The following NAB2 variants were observed in gnomAD, a reference collection of about 807,000 sequenced individuals.
NAB2 encodes the protein NGFI-A binding protein 2, also known as NGFI-A-binding protein 2.
A neutral mutation model predicts 44.2 loss-of-function variants in NAB2; 9 were observed. The ratio of observed to expected loss-of-function variants is 0.20; its 90% confidence interval spans 0.12 to 0.36. NAB2 has a LOEUF of 0.36. Ranked by LOEUF, NAB2 falls within the 10% of genes least tolerant of loss-of-function variation. The probability of loss-of-function intolerance (pLI) is 1.00; values close to 1 mark genes in which losing one functional copy is unlikely to be tolerated. For missense variants in NAB2, 514 were observed against 709.0 expected (o/e 0.73, Z 3.12); for synonymous variants, 342 against 291.0 (o/e 1.18, Z -1.78).
intron 6 of NAB2, 72 bp from the exon 7 acceptor site, chr12:57,094,540 C>A: frequency 8.0e-7 from 1 of 1,251,324 alleles, no homozygotes; most frequent in Non-Finnish European, 1.1e-6. Flanking sequence ...TTTGCCCCTG[C>A]TTCTGTTCCC....
At chr12:57,094,548 C>A in intron 6 of NAB2, 64 bp from the exon 7 acceptor site, 3 of 1,357,906 alleles carry the variant, frequency 2.2e-6, no homozygotes, top group Non-Finnish European at 2.1e-6. Flanking sequence ...TGCTTCTGTT[C>A]CCAACCACCT....
At chr12:57,089,386 G>C (rs748886229) in intron 1 of NAB2, 32 bp downstream of exon 1, 33 of 1,509,366 alleles carry the variant, frequency 2.2e-5, no homozygotes, top group Middle Eastern at 1.8e-4. Context: ...GCGGGGAGTG[G>C]AGATGGGTGG....
rs1203889324 is a variant in NAB2, at chr12:57,093,060, C to A, written c.1144-3C>A. The A allele has an allele frequency of 2.5e-6, 4 of 1,613,554 alleles. No individual in the cohort carries two copies. The highest frequency in any genetic ancestry group is 3.4e-6 in the Non-Finnish European group (4 of 1,179,714). ...TTCATTTCCCCATGTTGGGCATCCA[C>A]AGGTTGGAGAACAGAGTCACCCTGA... On this transcript the variant is annotated splice_polypyrimidine_tract_variant and splice_region_variant and intron_variant, in intron 4 of 6. Coordinates refer to ENST00000300131, the MANE Select transcript of NAB2 (RefSeq NM_005967.4).
At chr12:57,094,556 CCT>C in intron 6 of NAB2, 54 bp from the exon 7 acceptor site, 1 of 1,409,644 alleles carries the variant, frequency 7.1e-7, no homozygotes, top group Non-Finnish European at 9.8e-7. Flanking sequence ...TTCCCAACCA[CCT>C]CTGTCTGCAG....
chr12:57,091,887 T>C lies in NAB2; in HGVS notation c.846T>C (p.Phe282=), dbSNP rs184597009. 1 of 1,614,090 alleles carries C rather than the reference T, an allele frequency of 6.2e-7. No homozygotes were observed. The highest frequency in any genetic ancestry group is 1.3e-5 in the African/African-American group (1 of 74,994). ...TGGCACGGAGCGTTGGGCACATCTTTGAGATGGATGATAATGACAGCCAGA... is the reference window on the plus strand; with the variant it reads ...TGGCACGGAGCGTTGGGCACATCTTCGAGATGGATGATAATGACAGCCAGA... ...KKLARSVGHI[F]EMDDNDSQKE... The change falls in exon 2 of 7, where the codon TTT becomes TTC. Residue 282 remains phenylalanine (F), a synonymous_variant. Coordinates refer to ENST00000300131, the MANE Select transcript of NAB2 (RefSeq NM_005967.4). This position sits in a 1 kb window ranked among gnomAD's most constrained non-coding sequence, Gnocchi z 7.3.
chr12:57,091,589 G>A lies in NAB2; in HGVS notation c.548G>A (p.Arg183Gln), dbSNP rs747502132. 4 of 1,604,990 alleles carry A rather than the reference G, an allele frequency of 2.5e-6. No homozygotes were observed. Among genetic ancestry groups the A allele is most frequent in the East Asian group, 2.2e-5 (1 of 44,734 alleles). Residue 183 changes from arginine to glutamine, a missense_variant, in exon 2 of 7, where the codon CGG becomes CAG. Arg to Gln is a conservative substitution (Grantham distance 43). Coordinates refer to ENST00000300131, the MANE Select transcript of NAB2 (RefSeq NM_005967.4). This position sits in a 1 kb window ranked among gnomAD's most constrained non-coding sequence, Gnocchi z 7.3. ...GGGGGACCTGGGGCAGGGGACCCCC[G>A]GATCTGGCCAGGCCGGAGCACTCCA... The part of the protein sequence containing the change: ...LPGGPGAGDP[R>Q]IWPGRSTPES...
Position 57,089,158 on chromosome 12 carries a change from GAC to G in NAB2, c.-112_-111del. 9.0e-7 allele frequency: 1 copy of G among 1,106,352 alleles called. No homozygotes were observed. Among genetic ancestry groups the G allele is most frequent in the Non-Finnish European group, 1.3e-6 (1 of 761,754 alleles). The allele number at this position is 1,106,352 out of a possible 1,614,324, so 68.5% of individuals were successfully genotyped here. On this transcript the variant is annotated 5_prime_UTR_variant, in exon 1 of 7. Transcript: ENST00000300131. ...CGGAGAGAGAAGACGTGGAGGGAGGGACAGAGCCTGGACAGCGGTGGACACGG... is the reference window on the plus strand; with the variant it reads ...CGGAGAGAGAAGACGTGGAGGGAGGGAGAGCCTGGACAGCGGTGGACACGG...
Position 57,091,791 on chromosome 12 carries a change from G to C in NAB2, c.750G>C (p.Glu250Asp). 1 of 1,614,216 alleles carries C rather than the reference G, an allele frequency of 6.2e-7. No homozygotes were observed. Among genetic ancestry groups the C allele is most frequent in the South Asian group, 1.1e-5 (1 of 91,090 alleles). ...EMVRMVVESVERIFRSFPRGD... is the reference protein window; with the variant it reads ...EMVRMVVESVDRIFRSFPRGD... The stretch of plus-strand genomic sequence containing the variant: ...TACGCATGGTGGTGGAAAGTGTGGA[G>C]AGGATCTTCCGGAGCTTCCCAAGGG... Residue 250 changes from glutamate (E) to aspartate (D), a missense_variant, in exon 2 of 7, where the codon GAG becomes GAC. Coordinates refer to ENST00000300131, the MANE Select transcript of NAB2 (RefSeq NM_005967.4). The surrounding 1 kb of genome is among the most constrained non-coding windows in gnomAD (Gnocchi z 7.3).
In NAB2 at chr12:57,091,714, C is replaced by A. The variant is rs1343502972; in HGVS notation, c.673C>A (p.Leu225Met). 6.2e-7 allele frequency: 1 copy of A among 1,613,702 alleles called. No individual in the cohort carries two copies. Among genetic ancestry groups the A allele is most frequent in the Admixed American group, 1.7e-5 (1 of 60,024 alleles). Residue 225 changes from leucine (L) to methionine (M), a missense_variant, in exon 2 of 7, where the codon CTG becomes ATG. By Grantham distance (15) the Leu-to-Met change is conservative. Coordinates refer to ENST00000300131, the MANE Select transcript of NAB2 (RefSeq NM_005967.4). This position sits in a 1 kb window ranked among gnomAD's most constrained non-coding sequence, Gnocchi z 7.3. ...GVPEGTGAGG[L>M]AAGGTGGGPD... ...CCCTGAGGGGACTGGGGCTGGGGGG[C>A]TGGCAGCAGGTGGGACTGGGGGTGG...
At position 57,092,532 on chromosome 12, in the gene NAB2, C is replaced by T. The variant is rs763299566; in HGVS notation, c.1042C>T (p.Arg348Cys). ...GAGAGTGGAGCTCTTCTCTTTGTCCCGCCAAGTAGCCCGAGAGAGCACCTA... is the reference window on the plus strand; with the variant it reads ...GAGAGTGGAGCTCTTCTCTTTGTCCTGCCAAGTAGCCCGAGAGAGCACCTA... ...LRRVELFSLS[R>C]QVARESTYLS... The change falls in exon 3 of 7, where the codon CGC becomes TGC. Residue 348 changes from arginine to cysteine, a missense_variant. By Grantham distance (180) the Arg-to-Cys change is radical (BLOSUM62 -3). Around this residue, in one of 5 missense-constraint regions of NAB2, gnomAD observed 53 missense variants for 108.5 expected, o/e 0.49. Transcript: ENST00000300131. The T allele has an allele frequency of 1.2e-6, 2 of 1,614,176 alleles. No homozygotes were observed. Among genetic ancestry groups the T allele is most frequent in the Non-Finnish European group, 8.5e-7 (1 of 1,180,030 alleles).
Position 57,093,149 on chromosome 12 carries a change from G to C in NAB2, c.1230G>C (p.Glu410Asp), listed in dbSNP as rs1346141346. The change falls in exon 5 of 7, where the codon GAG becomes GAC. Residue 410 changes from glutamate to aspartate, a missense_variant. Glu to Asp is a conservative substitution (Grantham distance 45, BLOSUM62 2). Coordinates refer to ENST00000300131, the MANE Select transcript of NAB2 (RefSeq NM_005967.4). ...YVPPYRPSLE[E>D]DSASLSGESL... ...CCCCATACCGCCCCAGCCTGGAGGA[G>C]GACAGCGCCAGCCTGTCTGGGGAGA... 2.5e-6 allele frequency: 4 copies of C among 1,613,372 alleles called. No homozygotes were observed. Among genetic ancestry groups the C allele is most frequent in the African/African-American group, 1.3e-5 (1 of 75,054 alleles).
intron 1 of NAB2, among the ~76,000 whole-genome samples, chr12:57,090,708 T>G (rs1475044211): frequency 6.6e-6 from 1 of 152,194 alleles, no homozygotes; most frequent in Non-Finnish European, 1.5e-5. Context: ...GTGACTTCAC[T>G]TCAGTGTTGA....
At chr12:57,092,176 G>T in intron 2 of NAB2, 178 bp downstream of exon 2, 2 of 1,191,910 alleles carry the variant, frequency 1.7e-6, no homozygotes, top group Non-Finnish European at 2.3e-6. Context: ...ATCCTCAGCT[G>T]AGGGGGAAGC....
intron 1 of NAB2, among the ~76,000 whole-genome samples, chr12:57,090,339 C>T (rs982776718): frequency 6.6e-6 from 1 of 152,140 alleles, no homozygotes; most frequent in Non-Finnish European, 1.5e-5. Flanking sequence ...CAAAAATTAG[C>T]CGGGCATGGT....
At position 57,095,314 on chromosome 12, in the gene NAB2, C is replaced by G. The variant is rs540009860; in HGVS notation, c.*593C>G. 6.5e-6 allele frequency: 1 copy of G among 153,300 alleles called. No homozygotes were observed. Among genetic ancestry groups the G allele is most frequent in the Admixed American group, 6.5e-5 (1 of 15,368 alleles). The allele number at this position is 153,300 out of a possible 1,614,324, so 9.5% of individuals were successfully genotyped here. ...AGGGGCGGTGGGTGTGGGATCCCTTCACTGGCCCCCTCGGGAGGCCTGGGT... is the reference window on the plus strand; with the variant it reads ...AGGGGCGGTGGGTGTGGGATCCCTTGACTGGCCCCCTCGGGAGGCCTGGGT... On this transcript the variant is annotated 3_prime_UTR_variant, in exon 7 of 7. Transcript: ENST00000300131.
chr12:57,090,109 G>A (rs551763398), intron 1 of NAB2, among the ~76,000 whole-genome samples: 2 of 152,354 alleles, frequency 1.3e-5, no homozygotes, highest in South Asian at 4.1e-4. Context: ...GTCACTGCTA[G>A]GAGAGGGGCC....
chr12:57,092,645 A>C (rs891237018), intron 3 of NAB2, 64 bp downstream of exon 3: 54 of 1,583,770 alleles, frequency 3.4e-5, no homozygotes, highest in Non-Finnish European at 4.4e-5. Context: ...ATCATGTCCT[A>C]ACCTTCAGCT....
At chr12:57,094,513 C>T in intron 6 of NAB2, 99 bp from the exon 7 acceptor site, 1 of 939,648 alleles carries the variant, frequency 1.1e-6, no homozygotes, top group Non-Finnish European at 1.7e-6. Context: ...TAAACTGAGC[C>T]CATCTTCACA....
At chr12:57,094,468 C>A in intron 6 of NAB2, 144 bp from the exon 7 acceptor site, 1 of 702,194 alleles carries the variant, frequency 1.4e-6, no homozygotes. Context: ...CCCCCATACA[C>A]ATGCAGTGGG....
Sources: allele counts gnomAD v4.1 joint callset (sites outside exome capture counted in the v4.1 genomes callset), GRCh38; gene constraint gnomAD v4.1.1; regional missense constraint gnomAD v4.1.1; non-coding constraint Gnocchi (gnomAD v3.1); transcripts MANE v1.5; gene names NCBI Gene and HGNC (gene_info 2026-07-23, HGNC 2026-07-21).